Variants in PCDHGA2 observed in about 807,000 individuals in gnomAD.
PCDHGA2 encodes protocadherin gamma-A2.
Under a neutral mutation model 59.2 loss-of-function variants are expected in PCDHGA2, and 40 were observed. That is an observed-to-expected ratio of 0.68 (90% CI 0.52 to 0.88). The LOEUF (loss-of-function observed/expected upper bound fraction) is 0.88. Ranked by LOEUF, PCDHGA2 falls within the 40% of genes least tolerant of loss-of-function variation. PCDHGA2 has a pLI of 0.00. For synonymous variants in PCDHGA2, 560 were observed against 526.0 expected, an observed-to-expected ratio of 1.06 and a Z score of -0.89; for missense variants, 1,226 against 1,204.0, an observed-to-expected ratio of 1.02 and a Z score of -0.27.
At position 141,507,794 on chromosome 5, in the gene PCDHGA2, C is replaced by CT. The variant is rs576191739; in HGVS notation, c.2572+2314dup. On this transcript the variant is annotated intron_variant, in intron 3 of 3. Coordinates refer to ENST00000394576, the MANE Select transcript of PCDHGA2 (RefSeq NM_018915.4). ...CACAGGGCCTGACCCTCGTCTAAGC[C>CT]TGCGCCCTGGGGAACGGACCCTGGG... 7.9e-4 allele frequency among the ~76,000 whole-genome samples: 120 copies of CT among 152,356 alleles called. 2 individuals carry two copies. The highest frequency in any genetic ancestry group is 2.8e-3 in the African/African-American group (115 of 41,592).
At chr5:141,462,896 A>G (rs1280422442) in intron 1 of PCDHGA2, among the ~76,000 whole-genome samples, 1 of 152,142 alleles carries the variant, frequency 6.6e-6, no homozygotes, top group African/African-American at 2.4e-5. Context: ...TTGTTTTGGA[A>G]GGCTATTATG....
At chr5:141,508,096 G>A (rs1489615862) in intron 3 of PCDHGA2, 1 of 152,476 alleles carries the variant, frequency 6.6e-6, no homozygotes, top group African/African-American at 2.4e-5. Context: ...CCTTGGCCCT[G>A]GGATGGGGTA....
rs1767458792 is a variant in PCDHGA2 at position 141,371,070 on chromosome 5, A to G, written c.2424+29675A>G. ...GGGCGAGCCCTCCAGAAGCTGTACCACCCAGATCAGGGTAATTGTCGCAGA... is the reference window on the plus strand; with the variant it reads ...GGGCGAGCCCTCCAGAAGCTGTACCGCCCAGATCAGGGTAATTGTCGCAGA... On this transcript the variant is annotated intron_variant, in intron 1 of 3. Coordinates refer to ENST00000394576, the MANE Select transcript of PCDHGA2 (RefSeq NM_018915.4). The G allele has an allele frequency of 3.7e-6, 6 of 1,613,796 alleles. No individual in the cohort carries two copies. The highest frequency in any genetic ancestry group is 5.1e-6 in the Non-Finnish European group (6 of 1,179,860).
At chr5:141,374,549 G>C in intron 1 of PCDHGA2, 1 of 1,613,404 alleles carries the variant, frequency 6.2e-7, no homozygotes, top group Non-Finnish European at 8.5e-7. Flanking sequence ...TCCACTAATG[G>C]AGGTCTATGA....
At chr5:141,463,803 A>G (rs975202568) in intron 1 of PCDHGA2, among the ~76,000 whole-genome samples, 1 of 152,150 alleles carries the variant, frequency 6.6e-6, no homozygotes, top group Non-Finnish European at 1.5e-5. Flanking sequence ...AATGTCTAAA[A>G]GCTTTTATCA....
intron 2 of PCDHGA2, among the ~76,000 whole-genome samples, chr5:141,502,686 C>T (rs2099815631): frequency 6.6e-6 from 1 of 152,136 alleles, no homozygotes; most frequent in Admixed American, 6.5e-5. Flanking sequence ...CCCTGATGAT[C>T]CTTGCCTGTA....
Position 141,415,491 on chromosome 5 carries a change from G to C in PCDHGA2, c.2424+74096G>C, listed in dbSNP as rs1386703838. 3.7e-6 allele frequency: 6 copies of C among 1,614,090 alleles called. No homozygotes were observed. The Admixed American group carries it at 8.3e-5, about 22-fold the overall frequency. ...CCGCGGACTCGCGAAAGAGTCACCTGATCTTCCCCCAGCCCAATTATGCGG... is the reference window on the plus strand; with the variant it reads ...CCGCGGACTCGCGAAAGAGTCACCTCATCTTCCCCCAGCCCAATTATGCGG... On this transcript the variant is annotated intron_variant, in intron 1 of 3. Coordinates refer to ENST00000394576, the MANE Select transcript of PCDHGA2 (RefSeq NM_018915.4).
chr5:141,359,297 G>A (rs1299334892), intron 1 of PCDHGA2, among the ~76,000 whole-genome samples: 3 of 152,098 alleles, frequency 2.0e-5, no homozygotes, highest in Admixed American at 6.5e-5. Context: ...ACTGTGTCAA[G>A]CATATTCAGG....
chr5:141,487,802 C>T lies in PCDHGA2; in HGVS notation c.2425-7005C>T, dbSNP rs765438219. The T allele has an allele frequency of 9.5e-6, 14 of 1,477,306 alleles. No individual in the cohort carries two copies. The South Asian group carries it at 1.7e-4, about 18-fold the overall frequency. 91.5% of individuals were successfully genotyped at this position (1,477,306 alleles called of 1,614,324 possible). A position where few individuals can be genotyped will look rare whatever the true frequency, so the allele number is the denominator to read the frequency against. ...TTTCGTGAATTAACCAGAGTTGTCACAGTTTAGCATTGGGGGCGGGTCATG... is the reference window on the plus strand; with the variant it reads ...TTTCGTGAATTAACCAGAGTTGTCATAGTTTAGCATTGGGGGCGGGTCATG... On this transcript the variant is annotated intron_variant, in intron 1 of 3. Transcript: ENST00000394576. The surrounding 1 kb of genome is among the most constrained non-coding windows in gnomAD (Gnocchi z 5.0).
chr5:141,363,649 G>T (rs1045125812), intron 1 of PCDHGA2, among the ~76,000 whole-genome samples: 1 of 152,184 alleles, frequency 6.6e-6, no homozygotes, highest in East Asian at 1.9e-4. Flanking sequence ...AAGTAACAAA[G>T]ATCTTTATTT....
In PCDHGA2 at chr5:141,364,349, G is replaced by A. The variant is rs758855393; in HGVS notation, c.2424+22954G>A. The A allele has an allele frequency of 2.6e-5, 40 of 1,549,338 alleles. No homozygotes were observed. Among genetic ancestry groups the A allele is most frequent in the Non-Finnish European group, 3.1e-5 (36 of 1,150,712 alleles). On this transcript the variant is annotated intron_variant, in intron 1 of 3. Coordinates refer to ENST00000394576, the MANE Select transcript of PCDHGA2 (RefSeq NM_018915.4). ...GAAGGCAATGGCGAGTCCACCTAGG[G>A]GCTGGGGCTGCGGAGAGCTGCTGCT...
intron 1 of PCDHGA2, among the ~76,000 whole-genome samples, chr5:141,473,922 A>T (rs1025156251): frequency 2.0e-5 from 3 of 152,182 alleles, no homozygotes; most frequent in South Asian, 2.1e-4. Flanking sequence ...GAAAACTATG[A>T]GCTGGGTGCA....
At chr5:141,343,944 T>C in intron 1 of PCDHGA2, 1 of 1,271,424 alleles carries the variant, frequency 7.9e-7, no homozygotes, top group Non-Finnish European at 1.1e-6. Flanking sequence ...ATTAGGCCCG[T>C]AAAAGACTTC....
chr5:141,421,400 G>A (rs2096569762), intron 1 of PCDHGA2: 1 of 1,614,060 alleles, frequency 6.2e-7, no homozygotes, highest in Non-Finnish European at 8.5e-7. Context: ...CTGGAGCCCC[G>A]GGAGCTGGCG....
chr5:141,371,636 G>A, intron 1 of PCDHGA2: 4 of 1,614,044 alleles, frequency 2.5e-6, no homozygotes, highest in African/African-American at 2.7e-5. Context: ...ACCGGGAGCA[G>A]ATCCCAGAAT....
At chr5:141,438,579 CAT>C (rs2097974137) in intron 1 of PCDHGA2, among the ~76,000 whole-genome samples, 1 of 55,780 alleles carries the variant, frequency 1.8e-5, no homozygotes, top group Admixed American at 2.8e-4. Context: ...GATATACATA[CAT>C]ACATACATAC....
In PCDHGA2 at chr5:141,485,053, G is replaced by A. The variant is rs555996081; in HGVS notation, c.2425-9754G>A. On this transcript the variant is annotated intron_variant, in intron 1 of 3. Coordinates refer to ENST00000394576, the MANE Select transcript of PCDHGA2 (RefSeq NM_018915.4). The surrounding 1 kb of genome is among the most constrained non-coding windows in gnomAD (Gnocchi z 5.7). ...GCGCGTAACCCTTGCGGCGCCGGCC[G>A]AACCGCGCCAGAGCTGGCGCGGGGA... 6.9e-5 allele frequency: 57 copies of A among 820,742 alleles called. 2 individuals carry two copies. In the South Asian group the frequency reaches 9.3e-4, roughly 13 times the overall value. 50.8% of individuals were successfully genotyped at this position (820,742 alleles called of 1,614,324 possible).
intron 1 of PCDHGA2, chr5:141,351,362 C>A (rs867459693): frequency 1.3e-5 from 21 of 1,612,386 alleles, no homozygotes; most frequent in Non-Finnish European, 1.8e-5. Context: ...CATAAAAGTG[C>A]GAGACAAGGA....
chr5:141,408,463 G>T, intron 1 of PCDHGA2: 1 of 1,614,014 alleles, frequency 6.2e-7, no homozygotes, highest in Non-Finnish European at 8.5e-7. Context: ...TACTTGTGAA[G>T]AACCGAATAG....
Sources: gnomAD v4.1 joint callset for allele counts (sites outside exome capture counted in the v4.1 genomes callset) on GRCh38, gnomAD v4.1.1 for gene constraint, Gnocchi (gnomAD v3.1) non-coding constraint, MANE v1.5 for transcripts, NCBI Gene and HGNC (gene_info 2026-07-23, HGNC 2026-07-21) for gene names.